Variants in SLC9A2 observed in about 807,000 individuals in gnomAD.
SLC9A2 encodes the protein sodium/hydrogen exchanger 2.
In SLC9A2, 42 loss-of-function variants were observed where a neutral mutation model predicts 71.7. That is an observed-to-expected ratio of 0.59 (90% CI 0.46 to 0.76). The LOEUF (loss-of-function observed/expected upper bound fraction) is 0.76. SLC9A2 is among the 30% of genes least tolerant of loss of function. The pLI, the probability that SLC9A2 is intolerant of heterozygous loss-of-function variation, is 0.00. For synonymous variants in SLC9A2, 396 were observed against 392.5 expected, an observed-to-expected ratio of 1.01 and a Z score of -0.10; for missense variants, 829 against 1,017.4, an observed-to-expected ratio of 0.81 and a Z score of 2.52.
At chr2:102,696,508 A>G (rs1205762259) in intron 7 of SLC9A2, among the ~76,000 whole-genome samples, 1 of 152,226 alleles carries the variant, frequency 6.6e-6, no homozygotes, top group African/African-American at 2.4e-5. Flanking sequence ...ATATTGGGCT[A>G]CATAAGAAGT....
chr2:102,628,559 T>C (rs1483623434), intron 1 of SLC9A2, among the ~76,000 whole-genome samples: 1 of 152,126 alleles, frequency 6.6e-6, no homozygotes, highest in Non-Finnish European at 1.5e-5. Flanking sequence ...CCTTTTTTCC[T>C]ACTTTAATTG....
At chr2:102,678,276 T>C (rs1394292666) in intron 3 of SLC9A2, among the ~76,000 whole-genome samples, 1 of 151,948 alleles carries the variant, frequency 6.6e-6, no homozygotes, top group East Asian at 1.9e-4. Flanking sequence ...TCAGAAAATG[T>C]TGGTTGATGT....
intron 1 of SLC9A2, among the ~76,000 whole-genome samples, chr2:102,651,524 G>C (rs1676835907): frequency 6.6e-6 from 1 of 152,098 alleles, no homozygotes; most frequent in Non-Finnish European, 1.5e-5. Flanking sequence ...TTCATTCAGG[G>C]CTTTGTTCAG....
chr2:102,678,498 A>G (rs1033106116), intron 3 of SLC9A2, among the ~76,000 whole-genome samples: 8 of 152,176 alleles, frequency 5.3e-5, no homozygotes, highest in Non-Finnish European at 1.0e-4. Flanking sequence ...AATATAAAGA[A>G]TCTATTTAGG....
At chr2:102,680,476 C>T (rs1311192340) in intron 3 of SLC9A2, among the ~76,000 whole-genome samples, 1 of 152,074 alleles carries the variant, frequency 6.6e-6, no homozygotes, top group Non-Finnish European at 1.5e-5. Context: ...AGGCTGTTCT[C>T]CCAGTTCCTA....
At chr2:102,704,788 T>A in intron 10 of SLC9A2, 113 bp downstream of exon 10, 1 of 1,207,336 alleles carries the variant, frequency 8.3e-7, no homozygotes, top group Non-Finnish European at 1.2e-6. Context: ...GACAGTTCTC[T>A]GAGGAGCTGC....
intron 5 of SLC9A2, among the ~76,000 whole-genome samples, chr2:102,689,015 G>A (rs1226183535): frequency 6.6e-6 from 1 of 152,186 alleles, no homozygotes; most frequent in East Asian, 1.9e-4. Flanking sequence ...GAACTGCGAA[G>A]CATCTGGGGT....
At chr2:102,655,452 C>T (rs979636309) in intron 1 of SLC9A2, among the ~76,000 whole-genome samples, 8 of 152,070 alleles carry the variant, frequency 5.3e-5, no homozygotes, top group African/African-American at 1.2e-4. Context: ...CCACGCCTGG[C>T]CTATACCCTT....
rs1363218321 is a variant in SLC9A2, at chr2:102,708,188, G to T, written c.2138G>T (p.Arg713Leu). The change falls in exon 12 of 12, where the codon CGC becomes CTC. Residue 713 changes from arginine (R) to leucine (L), a missense_variant. This residue lies in a region of SLC9A2 where 223 missense variants were observed against 197.5 expected (regional missense o/e 1.13). Transcript: ENST00000233969. ...TVLNLQPRARRFLPEQFSKKS... is the reference protein window; with the variant it reads ...TVLNLQPRARLFLPEQFSKKS... The stretch of plus-strand genomic sequence containing the variant: ...CTCAATTTGCAGCCCAGAGCCAGGC[G>T]CTTCTTGCCAGAACAGTTCTCCAAG... 1.2e-6 allele frequency: 2 copies of T among 1,614,002 alleles called. No individual in the cohort carries two copies. The highest frequency in any genetic ancestry group is 1.3e-5 in the African/African-American group (1 of 74,896).
At chr2:102,662,758 G>A (rs1677071595) in intron 2 of SLC9A2, among the ~76,000 whole-genome samples, 1 of 145,858 alleles carries the variant, frequency 6.9e-6, no homozygotes, top group Non-Finnish European at 1.5e-5. Context: ...GTGTTAGAAA[G>A]CAGTTTAAAA....
intron 1 of SLC9A2, among the ~76,000 whole-genome samples, chr2:102,629,749 C>T (rs1261258595): frequency 1.3e-5 from 2 of 151,928 alleles, no homozygotes; most frequent in Non-Finnish European, 2.9e-5. Flanking sequence ...ATGTGATTAT[C>T]TGATTTAACA....
chr2:102,698,984 G>GA (rs931859979), intron 7 of SLC9A2, among the ~76,000 whole-genome samples: 6 of 151,772 alleles, frequency 4.0e-5, no homozygotes, highest in South Asian at 4.2e-4. Context: ...TGGTGACACA[G>GA]AAAAAAAAAT....
intron 1 of SLC9A2, among the ~76,000 whole-genome samples, chr2:102,630,985 T>C (rs1676343970): frequency 6.6e-6 from 1 of 152,120 alleles, no homozygotes; most frequent in Admixed American, 6.6e-5. Context: ...GTTTTAATTA[T>C]GAGCTTAACT....
At chr2:102,695,177 C>T (rs907397385) in intron 7 of SLC9A2, 64 bp downstream of exon 7, 8 of 1,112,444 alleles carry the variant, frequency 7.2e-6, no homozygotes, top group African/African-American at 1.6e-5. Context: ...GCAGGACTTA[C>T]TGATTTGTAT....
chr2:102,701,956 C>T (rs902651187), intron 8 of SLC9A2, among the ~76,000 whole-genome samples: 2 of 152,046 alleles, frequency 1.3e-5, no homozygotes, highest in Admixed American at 1.3e-4. Flanking sequence ...ATTATGGAAC[C>T]CACAAATGAG....
intron 1 of SLC9A2, among the ~76,000 whole-genome samples, chr2:102,621,623 G>A (rs1676138959): frequency 6.6e-6 from 1 of 152,192 alleles, no homozygotes; most frequent in Non-Finnish European, 1.5e-5. Context: ...TACCCTGTGA[G>A]ATGAGGCAGA....
At chr2:102,696,496 T>C (rs1255601452) in intron 7 of SLC9A2, among the ~76,000 whole-genome samples, 1 of 152,216 alleles carries the variant, frequency 6.6e-6, no homozygotes, top group Non-Finnish European at 1.5e-5. Context: ...TATGCTGGCA[T>C]AATATTGGGC....
At chr2:102,676,773 T>C (rs1402978803) in intron 3 of SLC9A2, among the ~76,000 whole-genome samples, 1 of 152,222 alleles carries the variant, frequency 6.6e-6, no homozygotes, top group Admixed American at 6.5e-5. Flanking sequence ...GTGCCCAGAG[T>C]CACCACAAGA....
chr2:102,676,509 T>A (rs1379764372), intron 3 of SLC9A2, among the ~76,000 whole-genome samples: 1 of 152,258 alleles, frequency 6.6e-6, no homozygotes, highest in Non-Finnish European at 1.5e-5. Context: ...CAAGTCTTCA[T>A]GATTAATCCA....
Sources: gnomAD v4.1 joint callset for allele counts (sites outside exome capture counted in the v4.1 genomes callset) on GRCh38, gnomAD v4.1.1 for gene constraint, gnomAD v4.1.1 regional missense constraint, MANE v1.5 for transcripts, NCBI Gene and HGNC (gene_info 2026-07-23, HGNC 2026-07-21) for gene names.